KCTD16: variants seen among roughly 807,000 people sequenced by gnomAD.
The protein encoded by KCTD16 is potassium channel tetramerization domain containing 16, also known as BTB/POZ domain-containing protein KCTD16.
In KCTD16, 13 loss-of-function variants were observed where a neutral mutation model predicts 33.2. That is an observed-to-expected ratio of 0.39 (90% confidence interval 0.25 to 0.62). The LOEUF (loss-of-function observed/expected upper bound fraction) is 0.62, where lower values mean the gene tolerates loss of function less well. Among genes scored for constraint, KCTD16 ranks in the 20% least tolerant of loss-of-function variants. The probability of loss-of-function intolerance (pLI) is 0.50; values close to 1 mark genes in which losing one functional copy is unlikely to be tolerated. For missense variants in KCTD16, 441 were observed against 525.1 expected (o/e 0.84, Z 1.57); for synonymous variants, 197 against 195.3 (o/e 1.01, Z -0.07).
Position 144,465,187 on chromosome 5 carries a change from C to CA in KCTD16, c.833-8473_833-8472insA, listed in dbSNP as rs201320600. Among the ~76,000 whole-genome samples, 8 of 111,900 alleles carry CA rather than the reference C, an allele frequency of 7.1e-5. No homozygotes were observed. The East Asian group carries it at 1.4e-3, about 19-fold the overall frequency. 73.4% of individuals were successfully genotyped at this position (111,900 alleles called of 152,430 possible). On this transcript the variant is annotated intron_variant, in intron 3 of 3. Coordinates refer to ENST00000512467, the MANE Select transcript of KCTD16 (RefSeq NM_020768.4). ...CACATACATAGTCTCTCTCTCCCCC[C>CA]CCTCTCTCTCTCACTCTCTCTCTCT... is the stretch of plus-strand genomic sequence containing the variant.
chr5:144,413,776 G>A (rs1226131686), intron 3 of KCTD16, among the ~76,000 whole-genome samples: 2 of 152,164 alleles, frequency 1.3e-5, no homozygotes, highest in African/African-American at 4.8e-5. Flanking sequence ...TGAATACAAA[G>A]GGTATAACTT....
intron 3 of KCTD16, among the ~76,000 whole-genome samples, chr5:144,414,374 G>C (rs901976750): frequency 6.6e-6 from 1 of 152,160 alleles, no homozygotes; most frequent in Non-Finnish European, 1.5e-5. Context: ...AGTGCACTAA[G>C]AGTACATGGC....
intron 3 of KCTD16, among the ~76,000 whole-genome samples, chr5:144,281,553 A>T (rs1284914965): frequency 6.6e-6 from 1 of 152,194 alleles, no homozygotes; most frequent in East Asian, 1.9e-4. Context: ...TGATCAGAGA[A>T]AAAGACCTTG....
intron 3 of KCTD16, among the ~76,000 whole-genome samples, chr5:144,434,012 ACAGAGC>A: frequency 6.6e-6 from 1 of 152,302 alleles, no homozygotes. Flanking sequence ...TCACCAGCAG[ACAGAGC>A]CCTCAGCTCT....
intron 3 of KCTD16, among the ~76,000 whole-genome samples, chr5:144,451,161 C>T (rs1467263323): frequency 6.6e-6 from 1 of 151,980 alleles, no homozygotes; most frequent in Non-Finnish European, 1.5e-5. Context: ...TATATTTTTT[C>T]ATCTGAATTG....
chr5:144,228,679 T>C (rs1754006980), intron 3 of KCTD16, among the ~76,000 whole-genome samples: 1 of 152,144 alleles, frequency 6.6e-6, no homozygotes, highest in Admixed American at 6.5e-5. Flanking sequence ...GAGAAAAAAG[T>C]CAACAATTCA....
chr5:144,377,848 T>C (rs1752126747), intron 3 of KCTD16: 1 of 152,170 alleles, frequency 6.6e-6, no homozygotes, highest in Admixed American at 6.5e-5. Context: ...CTTTCCACAA[T>C]GCCATGATTT....
intron 2 of KCTD16, among the ~76,000 whole-genome samples, chr5:144,199,322 A>C (rs565982593): frequency 6.6e-6 from 1 of 152,350 alleles, no homozygotes; most frequent in East Asian, 1.9e-4. Context: ...TACATAGTAC[A>C]TAGAGCAGAC....
chr5:144,367,269 TG>T lies in KCTD16; in HGVS notation c.833-106390del, dbSNP rs1411620005. On this transcript the variant is annotated intron_variant, in intron 3 of 3. Coordinates refer to ENST00000512467, the MANE Select transcript of KCTD16 (RefSeq NM_020768.4). The stretch of plus-strand genomic sequence containing the variant: ...TTTGGGGGAAGGGTGGGTGTAGAGC[TG>T]TGCAAACAAGCAGGCTGGCCAAGAG... 2.0e-5 allele frequency among the ~76,000 whole-genome samples: 3 copies of T among 152,216 alleles called. No individual in the cohort carries two copies. In the East Asian group the frequency reaches 5.8e-4, roughly 29 times the overall value.
chr5:144,310,671 G>C (rs969865853), intron 3 of KCTD16, among the ~76,000 whole-genome samples: 19 of 151,968 alleles, frequency 1.3e-4, no homozygotes, highest in Non-Finnish European at 5.9e-5. Flanking sequence ...TCTGATTCAT[G>C]ATTTATTTCT....
chr5:144,275,213 C>T (rs1177944803), intron 3 of KCTD16, among the ~76,000 whole-genome samples: 1 of 152,152 alleles, frequency 6.6e-6, no homozygotes, highest in Non-Finnish European at 1.5e-5. Flanking sequence ...CTCTTGCATT[C>T]TCATCACTGT....
At chr5:144,382,331 T>TA (rs1485309329) in intron 3 of KCTD16, among the ~76,000 whole-genome samples, 1 of 151,844 alleles carries the variant, frequency 6.6e-6, no homozygotes, top group Non-Finnish European at 1.5e-5. Flanking sequence ...ACCCCAGCAA[T>TA]ACGCAATTTA....
At chr5:144,377,517 C>T (rs1267049109) in intron 3 of KCTD16, among the ~76,000 whole-genome samples, 1 of 152,158 alleles carries the variant, frequency 6.6e-6, no homozygotes, top group Non-Finnish European at 1.5e-5. Context: ...TCTCTGGGGC[C>T]AGAGTCAGTC....
chr5:144,374,213 CA>C (rs1278657814), intron 3 of KCTD16, among the ~76,000 whole-genome samples: 3 of 152,102 alleles, frequency 2.0e-5, no homozygotes, highest in African/African-American at 4.8e-5. Flanking sequence ...ACAAATATTT[CA>C]AAAATAAAAT....
chr5:144,415,212 T>A (rs1170736679), intron 3 of KCTD16, among the ~76,000 whole-genome samples: 2 of 152,018 alleles, frequency 1.3e-5, no homozygotes, highest in Admixed American at 6.6e-5. Flanking sequence ...ATGAACCCAC[T>A]TCTGTAATAA....
intron 3 of KCTD16, among the ~76,000 whole-genome samples, chr5:144,429,193 A>G (rs1753401494): frequency 6.6e-6 from 1 of 152,120 alleles, no homozygotes; most frequent in Non-Finnish European, 1.5e-5. Flanking sequence ...TTTATCAAGC[A>G]CTGATTTGGG....
chr5:144,327,753 C>T (rs1233084813), intron 3 of KCTD16, among the ~76,000 whole-genome samples: 1 of 152,100 alleles, frequency 6.6e-6, no homozygotes, highest in African/African-American at 2.4e-5. Flanking sequence ...ATTCTATGAA[C>T]ACATGCAGGC....
At chr5:144,252,199 G>A (rs778579343) in intron 3 of KCTD16, among the ~76,000 whole-genome samples, 3 of 152,082 alleles carry the variant, frequency 2.0e-5, no homozygotes, top group Non-Finnish European at 4.4e-5. Flanking sequence ...CTGTATATTA[G>A]ATCTCCAGAA....
intron 3 of KCTD16, among the ~76,000 whole-genome samples, chr5:144,261,183 A>T (rs1206501077): frequency 1.3e-5 from 2 of 149,228 alleles, no homozygotes; most frequent in African/African-American, 4.9e-5. Flanking sequence ...AAAAAAAAAA[A>T]AGAAAAAAAA....
Sources: allele counts gnomAD v4.1 joint callset (sites outside exome capture counted in the v4.1 genomes callset), GRCh38; gene constraint gnomAD v4.1.1; transcripts MANE v1.5; gene names NCBI Gene and HGNC (gene_info 2026-07-23, HGNC 2026-07-21).